Variants in ACTL8 observed in about 807,000 individuals in gnomAD.
ACTL8 encodes actin-like protein 8.
In ACTL8, 3 loss-of-function variants were observed where a neutral mutation model predicts 9.3. The ratio of observed to expected loss-of-function variants is 0.32; its 90% CI spans 0.15 to 0.83. The LOEUF (loss-of-function observed/expected upper bound fraction) is 0.83. Among genes scored for constraint, ACTL8 ranks in the 40% least tolerant of loss-of-function variants. The pLI is 0.57. For synonymous variants in ACTL8, 224 were observed against 205.9 expected (o/e 1.09, Z -0.75); for missense variants, 381 against 492.2 (o/e 0.77, Z 2.14).
intron 1 of ACTL8, among the ~76,000 whole-genome samples, chr1:17,816,210 T>C (rs943966342): frequency 6.6e-6 from 1 of 151,808 alleles, no homozygotes; most frequent in Admixed American, 6.6e-5. Context: ...CTTTTTTTTT[T>C]TTTTTTGAGA....
At chr1:17,805,421 T>C (rs9435794) in intron 1 of ACTL8, among the ~76,000 whole-genome samples, 48,028 of 139,416 alleles carry the variant, frequency 0.34, 9,284 homozygotes, top group African/African-American at 0.52. Context: ...AGTCTCCCTC[T>C]GTCACCCAGG....
chr1:17,799,132 T>G (rs577484591), intron 1 of ACTL8, among the ~76,000 whole-genome samples: 1 of 152,266 alleles, frequency 6.6e-6, no homozygotes, highest in Non-Finnish European at 1.5e-5. Context: ...GTGGTTTCTC[T>G]GGGGGGTGTG....
At chr1:17,825,509 A>G (rs571846197) in intron 2 of ACTL8, among the ~76,000 whole-genome samples, 8 of 152,298 alleles carry the variant, frequency 5.3e-5, no homozygotes, top group Non-Finnish European at 8.8e-5. Context: ...TTGCAGCCAC[A>G]GAGCTCTTCT....
intron 1 of ACTL8, among the ~76,000 whole-genome samples, chr1:17,761,592 A>T (rs2066006267): frequency 6.6e-6 from 1 of 150,462 alleles, no homozygotes; most frequent in African/African-American, 2.5e-5. Context: ...TTTTTTTGGG[A>T]CTGAGTCTCG....
At chr1:17,817,939 T>A (rs1159277159) in intron 1 of ACTL8, among the ~76,000 whole-genome samples, 4 of 152,162 alleles carry the variant, frequency 2.6e-5, no homozygotes, top group Non-Finnish European at 4.4e-5. Context: ...TGACCTCAGG[T>A]GATCCACCTG....
At chr1:17,792,474 G>A (rs897518593) in intron 1 of ACTL8, among the ~76,000 whole-genome samples, 2 of 152,178 alleles carry the variant, frequency 1.3e-5, no homozygotes, top group Non-Finnish European at 2.9e-5. Context: ...CCATCTTTCT[G>A]ATAATCAAAC....
Position 17,826,586 on chromosome 1 carries a change from A to G in ACTL8, c.*67A>G, listed in dbSNP as rs2053725206. The G allele has an allele frequency of 3.4e-6, 4 of 1,165,704 alleles. No homozygotes were observed. Among genetic ancestry groups the G allele is most frequent in the Non-Finnish European group, 4.6e-6 (4 of 874,528 alleles). 72.2% of individuals were successfully genotyped at this position (1,165,704 alleles called of 1,614,324 possible). On this transcript the variant is annotated 3_prime_UTR_variant, in exon 3 of 3. Coordinates refer to ENST00000375406, the MANE Select transcript of ACTL8 (RefSeq NM_030812.3). The surrounding 1 kb of genome is among the most constrained non-coding windows in gnomAD (Gnocchi z 4.5). The stretch of plus-strand genomic sequence containing the variant: ...GCACGGGCGGATTAATTTTAGCAAA[A>G]TGTTCTGGGTGGGGGTAGAATGAGG...
At chr1:17,799,664 C>T (rs1216025067) in intron 1 of ACTL8, among the ~76,000 whole-genome samples, 2 of 151,964 alleles carry the variant, frequency 1.3e-5, no homozygotes, top group African/African-American at 2.4e-5. Context: ...AGAAGTCCTT[C>T]CCTTTACCAA....
intron 1 of ACTL8, among the ~76,000 whole-genome samples, chr1:17,802,173 T>C (rs1335055124): frequency 1.3e-5 from 2 of 152,324 alleles, no homozygotes; most frequent in East Asian, 3.9e-4. Context: ...TCTTTTCTCT[T>C]ACCGAAGTGC....
At chr1:17,817,759 G>A (rs1487250675) in intron 1 of ACTL8, among the ~76,000 whole-genome samples, 1 of 151,260 alleles carries the variant, frequency 6.6e-6, no homozygotes, top group Non-Finnish European at 1.5e-5. Flanking sequence ...GGAGTGCAGT[G>A]GCATGATCTC....
At chr1:17,762,847 T>TA (rs1311314032) in intron 1 of ACTL8, among the ~76,000 whole-genome samples, 1 of 152,106 alleles carries the variant, frequency 6.6e-6, no homozygotes, top group African/African-American at 2.4e-5. Flanking sequence ...CTCTGGCGCT[T>TA]TCTGCGTGGC....
intron 1 of ACTL8, among the ~76,000 whole-genome samples, chr1:17,774,120 A>G (rs1303248207): frequency 2.0e-5 from 3 of 152,204 alleles, no homozygotes; most frequent in East Asian, 1.9e-4. Flanking sequence ...TGAGGACTGC[A>G]GAGTCGGAAC....
chr1:17,796,495 A>C (rs922286829), intron 1 of ACTL8, among the ~76,000 whole-genome samples: 2 of 152,166 alleles, frequency 1.3e-5, no homozygotes, highest in Non-Finnish European at 2.9e-5. Flanking sequence ...CAGAGGTGAA[A>C]CTGAGGCTCG....
chr1:17,771,686 G>A (rs1406001885), intron 1 of ACTL8, among the ~76,000 whole-genome samples: 1 of 152,060 alleles, frequency 6.6e-6, no homozygotes, highest in African/African-American at 2.4e-5. Flanking sequence ...CTAGCAGCTA[G>A]AGGTACTGAA....
At chr1:17,789,344 A>G (rs1256910835) in intron 1 of ACTL8, among the ~76,000 whole-genome samples, 1 of 152,168 alleles carries the variant, frequency 6.6e-6, no homozygotes, top group Non-Finnish European at 1.5e-5. Flanking sequence ...CAGAAGGGCC[A>G]TCTCCTTCTC....
At chr1:17,793,252 C>G (rs2066254250) in intron 1 of ACTL8, among the ~76,000 whole-genome samples, 1 of 152,160 alleles carries the variant, frequency 6.6e-6, no homozygotes, top group Non-Finnish European at 1.5e-5. Flanking sequence ...TGTTCAAATC[C>G]TGGGGCTCCC....
chr1:17,762,792 G>A (rs1415150227), intron 1 of ACTL8, among the ~76,000 whole-genome samples: 1 of 152,158 alleles, frequency 6.6e-6, no homozygotes, highest in Non-Finnish European at 1.5e-5. Context: ...GTTCCCCGGT[G>A]ACTCCTGAGC....
intron 1 of ACTL8, among the ~76,000 whole-genome samples, chr1:17,797,277 C>T (rs2102690662): frequency 6.6e-6 from 1 of 152,260 alleles, no homozygotes; most frequent in Admixed American, 6.5e-5. Context: ...GATGTTGTGC[C>T]CAAGCCCTGT....
Position 17,798,185 on chromosome 1 carries a change from G to C in ACTL8, c.-24-24800G>C, listed in dbSNP as rs2102691124. 6.6e-5 allele frequency among the ~76,000 whole-genome samples: 7 copies of C among 105,634 alleles called. 1 individual carries two copies. In the South Asian group the frequency reaches 2.0e-3, roughly 31 times the overall value. 69.3% of individuals were successfully genotyped at this position (105,634 alleles called of 152,430 possible). Reference sequence around the variant, plus strand: ...CTGCGCAGTCATCAGTCCCGGCTCTGCCTTCCCTTTTCCTGAAATATGCAG... The same window carrying C: ...CTGCGCAGTCATCAGTCCCGGCTCTCCCTTCCCTTTTCCTGAAATATGCAG... On this transcript the variant is annotated intron_variant, in intron 1 of 2. Coordinates refer to ENST00000375406, the MANE Select transcript of ACTL8 (RefSeq NM_030812.3).
Sources: allele counts gnomAD v4.1 joint callset (sites outside exome capture counted in the v4.1 genomes callset), GRCh38; gene constraint gnomAD v4.1.1; non-coding constraint Gnocchi (gnomAD v3.1); transcripts MANE v1.5; gene names NCBI Gene and HGNC (gene_info 2026-07-23, HGNC 2026-07-21).